Variants in ARB2A observed in about 807,000 individuals in gnomAD.
ARB2A encodes the protein cotranscriptional regulator ARB2A.
At chr5:94,093,681 A>C in the ARB2A span, among the ~76,000 whole-genome samples, 1 of 152,184 alleles carries the variant, frequency 6.6e-6, no homozygotes, top group Non-Finnish European at 1.5e-5. Flanking sequence ...AAATGCATTC[A>C]TTACATCCCA....
the ARB2A span, among the ~76,000 whole-genome samples, chr5:93,886,595 G>A: frequency 4.6e-5 from 7 of 151,496 alleles, no homozygotes; most frequent in Non-Finnish European, 1.0e-4. Flanking sequence ...TGTCACTGTT[G>A]CAACATCCTA....
the ARB2A span, among the ~76,000 whole-genome samples, chr5:94,036,969 T>C: frequency 6.6e-6 from 1 of 152,166 alleles, no homozygotes; most frequent in African/African-American, 2.4e-5. Context: ...GTGTACACAG[T>C]GATGAAGAGC....
chr5:94,007,368 C>T, the ARB2A span, among the ~76,000 whole-genome samples: 1 of 152,064 alleles, frequency 6.6e-6, no homozygotes, highest in East Asian at 1.9e-4. Flanking sequence ...TAAACTTACA[C>T]AATATCTTAG....
the ARB2A span, among the ~76,000 whole-genome samples, chr5:93,787,002 C>A: frequency 6.6e-6 from 1 of 152,130 alleles, no homozygotes; most frequent in Non-Finnish European, 1.5e-5. Flanking sequence ...GCCATATCAT[C>A]AAAGTCCTTC....
At chr5:93,859,522 C>T in the ARB2A span, among the ~76,000 whole-genome samples, 178 of 152,098 alleles carry the variant, frequency 1.2e-3, no homozygotes, top group African/African-American at 4.1e-3. Flanking sequence ...TTTTCCTATA[C>T]TAAAATTAAG....
the ARB2A span, among the ~76,000 whole-genome samples, chr5:93,881,079 ACT>A: frequency 2.0e-5 from 3 of 151,342 alleles, no homozygotes; most frequent in African/African-American, 7.3e-5. Flanking sequence ...GGCTACATAT[ACT>A]CTCTCTTATG....
At chr5:94,041,155 T>C in the ARB2A span, among the ~76,000 whole-genome samples, 4 of 151,892 alleles carry the variant, frequency 2.6e-5, no homozygotes, top group East Asian at 1.9e-4. Flanking sequence ...TCACTAGTTA[T>C]CTCCTGTAAA....
At chr5:93,988,395 C>G in the ARB2A span, among the ~76,000 whole-genome samples, 6 of 152,148 alleles carry the variant, frequency 3.9e-5, no homozygotes, top group Non-Finnish European at 8.8e-5. Context: ...CACTGGCTTT[C>G]TTTTATATTC....
chr5:93,726,226 A>C, the ARB2A span, among the ~76,000 whole-genome samples: 9 of 152,192 alleles, frequency 5.9e-5, no homozygotes, highest in South Asian at 1.9e-3. Context: ...AATTGACACA[A>C]GGACGATGGT....
the ARB2A span, among the ~76,000 whole-genome samples, chr5:93,900,749 A>G: frequency 6.6e-6 from 1 of 152,180 alleles, no homozygotes; most frequent in African/African-American, 2.4e-5. Context: ...ATATTCACAT[A>G]AGTTTATCAG....
chr5:93,681,568 C>T, the ARB2A span, among the ~76,000 whole-genome samples: 4 of 152,094 alleles, frequency 2.6e-5, no homozygotes, highest in African/African-American at 9.7e-5. Context: ...AGTTTGGGCT[C>T]TATCTTCTCA....
At chr5:94,074,498 G>T in the ARB2A span, 1 of 571,836 alleles carries the variant, frequency 1.7e-6, no homozygotes, top group African/African-American at 1.9e-5. Context: ...TGCAGTAATA[G>T]TTGCTGTGAG....
chr5:93,926,551 T>C, the ARB2A span, among the ~76,000 whole-genome samples: 75 of 152,198 alleles, frequency 4.9e-4, 1 homozygote, highest in African/African-American at 1.6e-3. Context: ...CTCATTCTTG[T>C]GCATTTATCT....
chr5:93,738,681 G>A, the ARB2A span: 28 of 152,362 alleles, frequency 1.8e-4, no homozygotes, highest in African/African-American at 5.0e-4. Flanking sequence ...CCTTGAAAAT[G>A]TGCTAAGTGA....
chr5:93,963,711 C>T, the ARB2A span, among the ~76,000 whole-genome samples: 1 of 151,902 alleles, frequency 6.6e-6, no homozygotes, highest in African/African-American at 2.4e-5. Flanking sequence ...ATTAAGTCTC[C>T]CAGATTCTTA....
the ARB2A span, among the ~76,000 whole-genome samples, chr5:93,793,295 G>C: frequency 5.7e-5 from 6 of 105,530 alleles, no homozygotes; most frequent in South Asian, 2.2e-3. Context: ...TGTTGCCCAG[G>C]CTTGTCTTGA....
chr5:93,979,839 T>G, the ARB2A span, among the ~76,000 whole-genome samples: 8 of 152,132 alleles, frequency 5.3e-5, no homozygotes, highest in Non-Finnish European at 1.2e-4. Flanking sequence ...AGTGATATAT[T>G]CTGGTTCTAT....
the ARB2A span, among the ~76,000 whole-genome samples, chr5:93,933,962 C>A: frequency 2.0e-5 from 3 of 151,914 alleles, no homozygotes; most frequent in South Asian, 2.1e-4. Flanking sequence ...GCCGAGATCA[C>A]GCCACTGCAT....
chr5:94,023,635 A>G, the ARB2A span, among the ~76,000 whole-genome samples: 1 of 152,310 alleles, frequency 6.6e-6, no homozygotes, highest in Non-Finnish European at 1.5e-5. Context: ...GAATAAAACC[A>G]ACTGCTGATG....
Sources: allele counts gnomAD v4.1 joint callset (sites outside exome capture counted in the v4.1 genomes callset), GRCh38; gene constraint gnomAD v4.1.1; transcripts MANE v1.5; gene names NCBI Gene and HGNC (gene_info 2026-07-23, HGNC 2026-07-21).